The following RARB variants were observed in gnomAD, a reference collection of about 807,000 sequenced individuals.
RARB encodes retinoic acid receptor beta, also known as HBV-activated protein.
In RARB, 17 loss-of-function variants were observed where a neutral mutation model predicts 51.9. The ratio of observed to expected loss-of-function variants is 0.33; its 90% confidence interval spans 0.22 to 0.49. RARB has a LOEUF of 0.49. Among genes scored for constraint, RARB ranks in the 20% least tolerant of loss-of-function variants. The pLI, the probability that RARB is intolerant of heterozygous loss-of-function variation, is 0.99. For synonymous variants in RARB, 215 were observed against 195.4 expected, an observed-to-expected ratio of 1.10 and a Z score of -0.84; for missense variants, 369 against 550.8, an observed-to-expected ratio of 0.67 and a Z score of 3.30.
At chr3:25,502,683 G>C (rs1005078192) in intron 3 of RARB, among the ~76,000 whole-genome samples, 18 of 152,188 alleles carry the variant, frequency 1.2e-4, no homozygotes, top group African/African-American at 4.3e-4. Flanking sequence ...TTCAATGAGA[G>C]GGAATTCAAG....
chr3:25,282,708 T>C lies in RARB; in HGVS notation c.178+108133T>C, dbSNP rs368411573. On this transcript the variant is annotated intron_variant, in intron 5 of 11. Transcript: ENST00000383772. ...AGGGCATTGCTGCTAGGCTTGTGAG[T>C]TCAAGGTCACACCACCATAACTGTG... is the stretch of plus-strand genomic sequence containing the variant. Among the ~76,000 whole-genome samples the C allele has an allele frequency of 5.3e-5, 8 of 152,078 alleles. No homozygotes were observed. The East Asian group carries it at 7.8e-4, about 15-fold the overall frequency.
At chr3:25,343,356 C>CAGT (rs1250718135) in intron 5 of RARB, among the ~76,000 whole-genome samples, 3 of 152,098 alleles carry the variant, frequency 2.0e-5, no homozygotes, top group Non-Finnish European at 2.9e-5. Flanking sequence ...TAAACACTTA[C>CAGT]AGTTTTCTCC....
intron 3 of RARB, among the ~76,000 whole-genome samples, chr3:25,103,847 G>A (rs1225844407): frequency 6.6e-6 from 1 of 152,176 alleles, no homozygotes; most frequent in Non-Finnish European, 1.5e-5. Flanking sequence ...CTGTGTCTCT[G>A]CTTTTGATAA....
intron 2 of RARB, among the ~76,000 whole-genome samples, chr3:24,862,605 T>G (rs1185645826): frequency 1.3e-5 from 2 of 152,298 alleles, no homozygotes; most frequent in East Asian, 1.9e-4. Context: ...TGCTGTATAT[T>G]CTGAGTCTGG....
intron 1 of RARB, among the ~76,000 whole-genome samples, chr3:25,460,356 A>T (rs557499447): frequency 2.6e-5 from 4 of 151,836 alleles, no homozygotes; most frequent in South Asian, 4.2e-4. Context: ...CATGCTAAAG[A>T]CCCTCCCAGT....
intron 5 of RARB, among the ~76,000 whole-genome samples, chr3:25,253,399 A>G (rs1702778774): frequency 6.6e-6 from 1 of 152,182 alleles, no homozygotes; most frequent in South Asian, 2.1e-4. Flanking sequence ...TTTGAAATAC[A>G]TAGAGACTCT....
At chr3:25,341,782 C>G (rs75852777) in intron 5 of RARB, among the ~76,000 whole-genome samples, 6,111 of 152,152 alleles carry the variant, frequency 0.04, 161 homozygotes, top group Middle Eastern at 0.061. Context: ...CCCCCCATAA[C>G]AAAGAATTGT....
chr3:25,176,185 A>C (rs1414241349), intron 5 of RARB, among the ~76,000 whole-genome samples: 1 of 151,990 alleles, frequency 6.6e-6, no homozygotes, highest in Non-Finnish European at 1.5e-5. Context: ...TGAATGATCA[A>C]ATTTGGCAGA....
At chr3:25,251,775 G>A (rs531285702) in intron 5 of RARB, among the ~76,000 whole-genome samples, 6 of 151,322 alleles carry the variant, frequency 4.0e-5, no homozygotes, top group Admixed American at 2.6e-4. Flanking sequence ...TTTATCAGAC[G>A]TATGATTCGC....
In RARB at chr3:25,094,716, C is replaced by CAAAAAAAAAAAAAAAAAAA. The variant is rs57477720; in HGVS notation, c.-328+34547_-328+34565dup. 9.3e-5 allele frequency among the ~76,000 whole-genome samples: 4 copies of CAAAAAAAAAAAAAAAAAAA among 43,106 alleles called. 1 individual carries two copies. The highest frequency in any genetic ancestry group is 1.6e-4 in the Non-Finnish European group (4 of 25,448). The allele number at this position is 43,106 out of a possible 152,430, so 28.3% of individuals were successfully genotyped here. ...TGGGAGACAGAGTGAGACCCCATCT[C>CAAAAAAAAAAAAAAAAAAA]AAAAAAAAAAAAAAAAAAAAAAAAA... On this transcript the variant is annotated intron_variant, in intron 3 of 11. Transcript: ENST00000383772.
At chr3:25,168,366 A>G (rs964811046) in intron 4 of RARB, among the ~76,000 whole-genome samples, 1 of 152,108 alleles carries the variant, frequency 6.6e-6, no homozygotes, top group African/African-American at 2.4e-5. Flanking sequence ...CTGGGATTAC[A>G]GGCAGGTGCC....
At chr3:25,504,303 C>A (rs554867608) in intron 3 of RARB, among the ~76,000 whole-genome samples, 2 of 152,290 alleles carry the variant, frequency 1.3e-5, no homozygotes, top group South Asian at 4.1e-4. Context: ...CCAACAGCTC[C>A]AGACTGTTAA....
intron 5 of RARB, among the ~76,000 whole-genome samples, chr3:25,265,086 TG>T (rs1703093038): frequency 6.6e-6 from 1 of 152,216 alleles, no homozygotes; most frequent in Admixed American, 6.5e-5. Context: ...GATCTTGGAC[TG>T]CCCAGAAAAC....
intron 5 of RARB, among the ~76,000 whole-genome samples, chr3:25,359,225 A>C (rs1705847076): frequency 6.6e-6 from 1 of 152,126 alleles, no homozygotes; most frequent in South Asian, 2.1e-4. Flanking sequence ...GTATGTGTCT[A>C]AGAATTTATC....
intron 3 of RARB, among the ~76,000 whole-genome samples, chr3:25,525,450 C>A (rs1208408901): frequency 2.0e-5 from 3 of 152,116 alleles, no homozygotes; most frequent in African/African-American, 7.2e-5. Context: ...ATTTCACCTT[C>A]ATTGTCTTCA....
At chr3:25,123,762 G>T (rs946410096) in intron 3 of RARB, among the ~76,000 whole-genome samples, 1 of 152,126 alleles carries the variant, frequency 6.6e-6, no homozygotes, top group Non-Finnish European at 1.5e-5. Context: ...TAGGCTTAGC[G>T]TTTGAAAATC....
intron 5 of RARB, among the ~76,000 whole-genome samples, chr3:25,247,150 G>A (rs764080329): frequency 1.3e-5 from 2 of 152,206 alleles, no homozygotes; most frequent in Admixed American, 6.5e-5. Context: ...TCATGCCTCA[G>A]TAATGGCAGA....
intron 5 of RARB, among the ~76,000 whole-genome samples, chr3:25,321,341 T>C (rs1167670898): frequency 3.3e-5 from 5 of 152,182 alleles, no homozygotes; most frequent in Non-Finnish European, 7.3e-5. Context: ...TGAATATTGG[T>C]ATAATACACT....
chr3:25,163,331 C>A (rs1237274736), intron 4 of RARB, among the ~76,000 whole-genome samples: 1 of 151,752 alleles, frequency 6.6e-6, no homozygotes, highest in African/African-American at 2.4e-5. Flanking sequence ...TAGGGAAACC[C>A]TGTCTCTACA....
Sources: gnomAD v4.1 joint callset for allele counts (sites outside exome capture counted in the v4.1 genomes callset) on GRCh38, gnomAD v4.1.1 for gene constraint, MANE v1.5 for transcripts, NCBI Gene and HGNC (gene_info 2026-07-23, HGNC 2026-07-21) for gene names.